Variants in MYO9A observed in about 807,000 individuals in gnomAD.
MYO9A encodes the protein myosin IXA.
In MYO9A, 103 loss-of-function variants were observed where a neutral mutation model predicts 293.3. That is an observed-to-expected ratio of 0.35 (90% CI 0.30 to 0.41). The LOEUF (loss-of-function observed/expected upper bound fraction) is 0.41, where lower values mean the gene tolerates loss of function less well. Ranked by LOEUF, MYO9A falls within the 10% of genes least tolerant of loss-of-function variation. The probability of loss-of-function intolerance (pLI) is 1.00; values close to 1 mark genes in which losing one functional copy is unlikely to be tolerated. For missense variants in MYO9A, 2,685 were observed against 3,033.0 expected (o/e 0.89, Z 2.69); for synonymous variants, 1,001 against 1,035.7 (o/e 0.97, Z 0.64).
chr15:72,018,673 A>G (rs1429491317), intron 6 of MYO9A, among the ~76,000 whole-genome samples: 1 of 152,180 alleles, frequency 6.6e-6, no homozygotes, highest in Admixed American at 6.5e-5. Flanking sequence ...GTATGTAGGT[A>G]ATGAAACTAC....
chr15:72,106,677 TGCA>T (rs1170672921), intron 1 of MYO9A, among the ~76,000 whole-genome samples: 1 of 152,138 alleles, frequency 6.6e-6, no homozygotes, highest in African/African-American at 2.4e-5. Context: ...CACAGGTCAC[TGCA>T]GCCTCAACCT....
chr15:71,842,931 A>G lies in MYO9A; in HGVS notation c.6837+5914T>C, dbSNP rs1459196489. On this transcript the variant is annotated intron_variant, in intron 39 of 41. Transcript: ENST00000356056. ...TGTGTATGCATGTGTGTGTGTGTGTATGGGGCGGGGGGTGGTGAGGATCAA... is the reference window on the plus strand; with the variant it reads ...TGTGTATGCATGTGTGTGTGTGTGTGTGGGGCGGGGGGTGGTGAGGATCAA... Among the ~76,000 whole-genome samples, 3 of 146,964 alleles carry G rather than the reference A, an allele frequency of 2.0e-5. No individual in the cohort carries two copies. The East Asian group carries it at 6.3e-4, about 31-fold the overall frequency.
chr15:72,097,847 T>C (rs1200055891), intron 1 of MYO9A, among the ~76,000 whole-genome samples: 1 of 149,902 alleles, frequency 6.7e-6, no homozygotes, highest in Non-Finnish European at 1.5e-5. Flanking sequence ...GAGACAGAGG[T>C]TGCGGTGAGC....
In MYO9A at chr15:71,826,594, C is replaced by G. The variant is rs374401781; in HGVS notation, c.7633G>C (p.Glu2545Gln). ...CATCTGCCGGTTCAGACCATAAATTCATTATTTCCAAAGAGTGCTAGCTGT... is the reference window on the plus strand; with the variant it reads ...CATCTGCCGGTTCAGACCATAAATTGATTATTTCCAAAGAGTGCTAGCTGT... The part of the protein sequence containing the change: ...NQQLALFGNN[E>Q]FMV The change falls in exon 42 of 42, where the codon GAA (glutamate) becomes CAA (glutamine). Residue 2545 changes from glutamate (E) to glutamine (Q), a missense_variant. Glu to Gln is a conservative substitution (Grantham distance 29). Transcript: ENST00000356056. The G allele has an allele frequency of 1.3e-6, 2 of 1,592,824 alleles. No homozygotes were observed. Among genetic ancestry groups the G allele is most frequent in the African/African-American group, 2.7e-5 (2 of 73,484 alleles).
intron 1 of MYO9A, among the ~76,000 whole-genome samples, chr15:72,116,650 T>A (rs1172367354): frequency 6.6e-6 from 1 of 152,298 alleles, no homozygotes; most frequent in East Asian, 1.9e-4. Context: ...TCCCCTAGTA[T>A]CCTTTAAAAA....
chr15:71,901,532 ATACGG>A (rs2057483853), intron 22 of MYO9A, among the ~76,000 whole-genome samples, 192 bp from the exon 23 acceptor site: 1 of 152,190 alleles, frequency 6.6e-6, no homozygotes, highest in South Asian at 2.1e-4. Flanking sequence ...AGATAGTAGA[ATACGG>A]AAGGTGAGCT....
intron 39 of MYO9A, among the ~76,000 whole-genome samples, chr15:71,833,558 A>G (rs896561598): frequency 6.6e-6 from 1 of 152,142 alleles, no homozygotes; most frequent in African/African-American, 2.4e-5. Context: ...GCAATCAGAA[A>G]TGATGTAAAA....
intron 10 of MYO9A, among the ~76,000 whole-genome samples, chr15:71,992,619 A>AT (rs2076573790): frequency 6.6e-6 from 1 of 152,176 alleles, no homozygotes. Context: ...AAAAATTAAC[A>AT]TAAGAGCAAT....
rs557707789 is a variant in MYO9A at position 71,951,893 on chromosome 15, T to C, written c.2186A>G (p.His729Arg). 2 of 1,583,276 alleles carry C rather than the reference T, an allele frequency of 1.3e-6. No homozygotes were observed. Among genetic ancestry groups the C allele is most frequent in the South Asian group, 1.2e-5 (1 of 85,318 alleles). Residue 729 changes from histidine (H) to arginine (R), a missense_variant, in exon 15 of 42, where the codon CAT becomes CGT. Physicochemically the swap from His to Arg is conservative, Grantham distance 29 (BLOSUM62 0). Transcript: ENST00000356056. ...AATTGCACATGGCGCTGTATCATCATGTCCTTAGGAAGCAAAAAAAAACAA... is the reference window on the plus strand; with the variant it reads ...AATTGCACATGGCGCTGTATCATCACGTCCTTAGGAAGCAAAAAAAAACAA... ...GKRNIHRKTG[H>R]DDTAPCAILK...
intron 26 of MYO9A, chr15:71,893,211 C>A: frequency 8.1e-7 from 1 of 1,232,680 alleles, no homozygotes; most frequent in Admixed American, 3.1e-5. Flanking sequence ...AATAACACAA[C>A]AATGTTTGGG....
intron 4 of MYO9A, 111 bp from the exon 5 acceptor site, chr15:72,021,128 A>G: frequency 1.6e-6 from 1 of 630,058 alleles, no homozygotes; most frequent in Middle Eastern, 2.5e-4. Flanking sequence ...GCTTTGCTTC[A>G]TTTTTTAATA....
Position 72,072,423 on chromosome 15 carries a change from G to A in MYO9A, c.-71-25789C>T, listed in dbSNP as rs999152665. ...TGGGATTACAGGCGTGAACCACAGC[G>A]TCCAGCCAAAAGATACCTACACTCT... is the stretch of plus-strand genomic sequence containing the variant. On this transcript the variant is annotated intron_variant, in intron 1 of 41. Coordinates refer to ENST00000356056, the MANE Select transcript of MYO9A (RefSeq NM_006901.4). 6.6e-5 allele frequency among the ~76,000 whole-genome samples: 10 copies of A among 152,094 alleles called. No individual in the cohort carries two copies. In the South Asian group the frequency reaches 8.3e-4, roughly 13 times the overall value.
intron 19 of MYO9A, among the ~76,000 whole-genome samples, chr15:71,906,765 T>TG (rs2057664069): frequency 8.7e-6 from 1 of 115,396 alleles, no homozygotes; most frequent in Admixed American, 8.5e-5. Flanking sequence ...TTTCTTTTTT[T>TG]TTTTTTTTTT....
chr15:71,830,554 G>A (rs909250103), intron 39 of MYO9A, among the ~76,000 whole-genome samples: 14 of 152,208 alleles, frequency 9.2e-5, no homozygotes, highest in Admixed American at 9.2e-4. Context: ...AACCCATTGT[G>A]TACTGAGATG....
chr15:72,099,812 G>A (rs2080207605), intron 1 of MYO9A, among the ~76,000 whole-genome samples: 1 of 139,696 alleles, frequency 7.2e-6, no homozygotes. Flanking sequence ...TGAGACAGGA[G>A]AACTGCTTGA....
At position 71,826,806 on chromosome 15, in the gene MYO9A, G is replaced by T; in HGVS notation, c.7421C>A (p.Pro2474Gln). The T allele has an allele frequency of 6.2e-7, 1 of 1,614,126 alleles. No individual in the cohort carries two copies. Among genetic ancestry groups the T allele is most frequent in the Non-Finnish European group, 8.5e-7 (1 of 1,179,992 alleles). ...TTCCAGGAATTTGGTCTGGCCCAAT[G>T]GTCCTTCCATTCCCAGGGCCTCATT... Reference protein sequence around the residue: ...SGNEALGMEGPLGQTKFLEDK... With the variant: ...SGNEALGMEGQLGQTKFLEDK... The change falls in exon 42 of 42, where the codon CCA (proline) becomes CAA (glutamine). Residue 2474 changes from proline (P) to glutamine (Q), a missense_variant. Pro to Gln is a moderately conservative substitution (Grantham distance 76). Coordinates refer to ENST00000356056, the MANE Select transcript of MYO9A (RefSeq NM_006901.4).
At position 71,902,932 on chromosome 15, in the gene MYO9A, T is replaced by C; in HGVS notation, c.3000+9A>G. On this transcript the variant is annotated intron_variant, in intron 22 of 41. Coordinates refer to ENST00000356056, the MANE Select transcript of MYO9A (RefSeq NM_006901.4). Reference sequence around the variant, plus strand: ...CAATTTTGACCAGAGCTATACAGATTATATTTACCATGGTTTTTCCAACTT... The same window carrying C: ...CAATTTTGACCAGAGCTATACAGATCATATTTACCATGGTTTTTCCAACTT... The C allele has an allele frequency of 1.9e-6, 3 of 1,563,200 alleles. No homozygotes were observed. Among genetic ancestry groups the C allele is most frequent in the Non-Finnish European group, 2.6e-6 (3 of 1,143,362 alleles).
In MYO9A at chr15:71,888,083, C is replaced by T. The variant is rs1220748776; in HGVS notation, c.5176G>A (p.Ala1726Thr). Reference protein sequence around the residue: ...SQRFSSVDEQAKLHKTMSQGE... With the variant: ...SQRFSSVDEQTKLHKTMSQGE... ...TGAGACATAGTCTTATGAAGTTTTG[C>T]TTGTTCATCAACTGACGAAAATCGC... Residue 1726 changes from alanine (A) to threonine (T), a missense_variant, in exon 27 of 42, where the codon GCA (alanine) becomes ACA (threonine). Ala to Thr is a moderately conservative substitution (Grantham distance 58). Around this residue, in one of 10 missense-constraint regions of MYO9A, gnomAD observed 1,434 missense variants for 1,497.7 expected, o/e 0.96. Coordinates refer to ENST00000356056, the MANE Select transcript of MYO9A (RefSeq NM_006901.4). The T allele has an allele frequency of 1.2e-6, 2 of 1,609,904 alleles. No homozygotes were observed. Among genetic ancestry groups the T allele is most frequent in the South Asian group, 2.2e-5 (2 of 90,328 alleles).
intron 32 of MYO9A, among the ~76,000 whole-genome samples, chr15:71,866,551 A>C (rs939153713): frequency 5.9e-5 from 9 of 152,062 alleles, no homozygotes; most frequent in African/African-American, 2.2e-4. Context: ...CCTGTATATG[A>C]AACACTTTAA....
Sources: gnomAD v4.1 joint callset for allele counts (sites outside exome capture counted in the v4.1 genomes callset) on GRCh38, gnomAD v4.1.1 for gene constraint, gnomAD v4.1.1 regional missense constraint, MANE v1.5 for transcripts, NCBI Gene and HGNC (gene_info 2026-07-23, HGNC 2026-07-21) for gene names.